The following ETV7 variants were observed in gnomAD, a reference collection of about 807,000 sequenced individuals.
ETV7 encodes transcription factor ETV7.
In ETV7, 43 loss-of-function variants were observed where a neutral mutation model predicts 39.1. The ratio of observed to expected loss-of-function variants is 1.10; its 90% CI spans 0.86 to 1.42. The LOEUF is 1.42. Among genes scored for constraint, ETV7 ranks in the 40% most tolerant of loss-of-function variants. The pLI is 0.00. For missense variants in ETV7, 432 were observed against 442.3 expected (o/e 0.98, Z 0.21); for synonymous variants, 196 against 176.6 (o/e 1.11, Z -0.87).
downstream of ETV7, among the ~76,000 whole-genome samples, chr6:36,364,417 G>A (rs528500310): frequency 7.6e-3 from 1,154 of 152,344 alleles, 11 homozygotes; most frequent in South Asian, 0.033. Flanking sequence ...CGAGCGCAGC[G>A]CCGGTGGGCT....
intron 2 of ETV7, among the ~76,000 whole-genome samples, chr6:36,380,555 A>T (rs1455748069): frequency 1.3e-5 from 2 of 152,024 alleles, no homozygotes; most frequent in Admixed American, 6.5e-5. Flanking sequence ...AAGAGTCAAC[A>T]CTGTTGTCCC....
At chr6:36,384,541 G>A (rs183916147) in intron 2 of ETV7, among the ~76,000 whole-genome samples, 1 of 152,272 alleles carries the variant, frequency 6.6e-6, no homozygotes, top group African/African-American at 2.4e-5. Context: ...GGAGAGTTGT[G>A]GGTCTTGTGT....
intron 5 of ETV7, 139 bp from the exon 6 acceptor site, chr6:36,369,210 G>A (rs2071793): frequency 1.1e-6 from 1 of 924,016 alleles, no homozygotes; most frequent in South Asian, 1.6e-5. Context: ...GATATCAACA[G>A]AAACAGCCAC....
chr6:36,361,641 A>G (rs4713964), downstream of ETV7, among the ~76,000 whole-genome samples: 1 of 152,058 alleles, frequency 6.6e-6, no homozygotes, highest in Non-Finnish European at 1.5e-5. Context: ...CCTTTCTAAG[A>G]AAGAATCCAC....
At position 36,366,329 on chromosome 6, in the gene ETV7, A is replaced by G; in HGVS notation, c.*316T>C. 2 of 1,156,072 alleles carry G rather than the reference A, an allele frequency of 1.7e-6. No individual in the cohort carries two copies. The highest frequency in any genetic ancestry group is 2.1e-6 in the Non-Finnish European group (2 of 934,650). 71.6% of individuals were successfully genotyped at this position (1,156,072 alleles called of 1,614,324 possible). ...CTCAGTGAGGGACTTCATTCCCTTC[A>G]TCTGGTAAATTCCATTTACAGGGGT... On this transcript the variant is annotated 3_prime_UTR_variant, in exon 8 of 8. Transcript: ENST00000340181.
chr6:36,367,039 AG>A, intron 6 of ETV7, 64 bp from the exon 7 acceptor site: 8 of 1,286,826 alleles, frequency 6.2e-6, no homozygotes, highest in Non-Finnish European at 7.9e-6. Context: ...CACACCTGGA[AG>A]GGAGTAGGGT....
At chr6:36,364,738 A>C (rs1400035711), downstream of ETV7, among the ~76,000 whole-genome samples, 3 of 152,164 alleles carry the variant, frequency 2.0e-5, no homozygotes, top group Non-Finnish European at 1.5e-5. Context: ...GCCCAGGCAG[A>C]GGAGGTGCCG....
At chr6:36,381,350 T>C (rs762822068) in intron 2 of ETV7, among the ~76,000 whole-genome samples, 25 of 152,192 alleles carry the variant, frequency 1.6e-4, no homozygotes, top group Non-Finnish European at 2.9e-4. Context: ...AATTCACCTA[T>C]GGCCCAGTTT....
chr6:36,387,389 T>G, intron 1 of ETV7, 147 bp downstream of exon 1: 2 of 1,143,656 alleles, frequency 1.7e-6, no homozygotes, highest in Non-Finnish European at 2.6e-6. Context: ...GAGGGATGGA[T>G]GTGAGGTTTA....
intron 2 of ETV7, among the ~76,000 whole-genome samples, chr6:36,380,995 AC>A (rs1214217883): frequency 6.6e-6 from 1 of 150,792 alleles, no homozygotes; most frequent in African/African-American, 2.4e-5. Flanking sequence ...TGGTTTCAAG[AC>A]CCCTCAAAGT....
rs146300864 is a variant in ETV7 at position 36,376,574 on chromosome 6, C to G, written c.143-539G>C. Among the ~76,000 whole-genome samples the G allele has an allele frequency of 5.8e-3, 882 of 152,080 alleles. 10 individuals are homozygous for G. The highest frequency in any genetic ancestry group is 0.02 in the African/African-American group (840 of 41,472). ...GGGTGGATCACAAAGTCAGGAGATT[C>G]AAACCATCCTGGCCAACACGGTGAA... is the stretch of plus-strand genomic sequence containing the variant. On this transcript the variant is annotated intron_variant, in intron 2 of 7. Transcript: ENST00000340181.
chr6:36,386,259 C>T (rs1018599589), intron 1 of ETV7, among the ~76,000 whole-genome samples: 2 of 152,094 alleles, frequency 1.3e-5, no homozygotes, highest in Admixed American at 6.5e-5. Flanking sequence ...ACCCGGGAAG[C>T]GGAAGTTGGA....
At chr6:36,371,963 C>T (rs1411418549) in intron 4 of ETV7, among the ~76,000 whole-genome samples, 1 of 152,168 alleles carries the variant, frequency 6.6e-6, no homozygotes, top group Non-Finnish European at 1.5e-5. Context: ...TCCCAAAGCC[C>T]CTGCCCTCAG....
chr6:36,376,669 G>A (rs567524288), intron 2 of ETV7, among the ~76,000 whole-genome samples: 24 of 152,110 alleles, frequency 1.6e-4, no homozygotes, highest in Middle Eastern at 3.4e-3. Context: ...CCAGCTGCTC[G>A]GGAGGCTGAA....
At chr6:36,372,748 G>A (rs1052036060) in intron 4 of ETV7, among the ~76,000 whole-genome samples, 2 of 142,636 alleles carry the variant, frequency 1.4e-5, no homozygotes, top group Non-Finnish European at 3.0e-5. Context: ...TAGGGGCTGG[G>A]GGTGTTGAGA....
chr6:36,372,592 G>C (rs1332851407), intron 4 of ETV7, among the ~76,000 whole-genome samples: 1 of 150,552 alleles, frequency 6.6e-6, no homozygotes, highest in Non-Finnish European at 1.5e-5. Context: ...CAGATTTGAA[G>C]GTAGGGCTGA....
intron 2 of ETV7, among the ~76,000 whole-genome samples, chr6:36,379,379 A>G (rs1773533597): frequency 6.6e-6 from 1 of 152,084 alleles, no homozygotes; most frequent in Non-Finnish European, 1.5e-5. Context: ...CCTTGACTCT[A>G]CAAACAAAAA....
chr6:36,373,677 C>T, intron 3 of ETV7, 99 bp from the exon 4 acceptor site: 1 of 1,356,522 alleles, frequency 7.4e-7, no homozygotes. Flanking sequence ...CAAGGGCTGG[C>T]ATGTCTTGTC....
chr6:36,364,943 C>T (rs371041741), downstream of ETV7, among the ~76,000 whole-genome samples: 1 of 152,200 alleles, frequency 6.6e-6, no homozygotes, highest in Non-Finnish European at 1.5e-5. Flanking sequence ...TGAGTACCAT[C>T]GAGGGTCCCA....
Sources: gnomAD v4.1 joint callset for allele counts (sites outside exome capture counted in the v4.1 genomes callset) on GRCh38, gnomAD v4.1.1 for gene constraint, MANE v1.5 for transcripts, NCBI Gene and HGNC (gene_info 2026-07-23, HGNC 2026-07-21) for gene names.